The following WFDC1 variants were observed in gnomAD, a reference collection of about 807,000 sequenced individuals.
The protein encoded by WFDC1 is WAP four-disulfide core domain protein 1.
Under a neutral mutation model 32.9 loss-of-function variants are expected in WFDC1, and 39 were observed. That is an observed-to-expected ratio of 1.19 (90% confidence interval 0.92 to 1.55). The LOEUF (loss-of-function observed/expected upper bound fraction) is 1.55, where lower values mean the gene tolerates loss of function less well. Ranked by LOEUF, WFDC1 falls within the 40% of genes most tolerant of loss-of-function variation. WFDC1 has a pLI of 0.00. For synonymous variants in WFDC1, 184 were observed against 137.4 expected, an observed-to-expected ratio of 1.34 and a Z score of -2.37; for missense variants, 386 against 309.5, an observed-to-expected ratio of 1.25 and a Z score of -1.85.
chr16:84,309,603 T>C (rs1327446844), intron 1 of WFDC1, among the ~76,000 whole-genome samples: 1 of 152,014 alleles, frequency 6.6e-6, no homozygotes, highest in Non-Finnish European at 1.5e-5. Context: ...GGAGGGGTGG[T>C]TAAGCCAACA....
intron 6 of WFDC1, chr16:84,328,917 C>T (rs924581749): frequency 6.6e-6 from 1 of 151,288 alleles, no homozygotes; most frequent in African/African-American, 2.4e-5. Flanking sequence ...TGCACCATTG[C>T]ACTCCAGCCT....
At chr16:84,321,077 G>C (rs1177123316) in intron 4 of WFDC1, among the ~76,000 whole-genome samples, 1 of 152,198 alleles carries the variant, frequency 6.6e-6, no homozygotes, top group Non-Finnish European at 1.5e-5. Context: ...TATTTGCAGG[G>C]CTTTGTTTGG....
chr16:84,327,025 C>T, intron 6 of WFDC1, 70 bp downstream of exon 6: 3 of 1,521,082 alleles, frequency 2.0e-6, no homozygotes, highest in Non-Finnish European at 1.8e-6. Flanking sequence ...CAGCTTTCAC[C>T]ACCAGGTTGA....
intron 1 of WFDC1, among the ~76,000 whole-genome samples, chr16:84,308,583 C>T (rs1018237950): frequency 2.0e-5 from 3 of 152,252 alleles, no homozygotes; most frequent in African/African-American, 7.2e-5. Context: ...AGGACCAGCA[C>T]GTGCCAATGA....
chr16:84,324,984 C>G (rs903141992), intron 5 of WFDC1, among the ~76,000 whole-genome samples: 5 of 152,126 alleles, frequency 3.3e-5, no homozygotes, highest in Non-Finnish European at 5.9e-5. Flanking sequence ...TCTATTCATC[C>G]ATCTATTCAT....
chr16:84,312,152 C>A (rs909572106), intron 1 of WFDC1, among the ~76,000 whole-genome samples: 2 of 152,022 alleles, frequency 1.3e-5, no homozygotes, highest in Non-Finnish European at 2.9e-5. Context: ...GCAACAAGAG[C>A]GAAACTCCGT....
At chr16:84,324,802 A>G (rs1230198051) in intron 5 of WFDC1, among the ~76,000 whole-genome samples, 1 of 152,096 alleles carries the variant, frequency 6.6e-6, no homozygotes, top group African/African-American at 2.4e-5. Flanking sequence ...CTCTCCATCT[A>G]TTATTTCATC....
chr16:84,320,377 A>T (rs1908236345), intron 4 of WFDC1, among the ~76,000 whole-genome samples: 1 of 152,208 alleles, frequency 6.6e-6, no homozygotes. Context: ...TCTGTTTTCA[A>T]ACTGCATTGA....
In WFDC1 at chr16:84,308,704, G is replaced by GACGCC. The variant is rs1245726182; in HGVS notation, c.145-4256_145-4255insCGCCA. Among the ~76,000 whole-genome samples the GACGCC allele has an allele frequency of 1.5e-4, 23 of 152,228 alleles. 1 individual carries two copies. The highest frequency in any genetic ancestry group is 4.8e-4 in the African/African-American group (20 of 41,538). On this transcript the variant is annotated intron_variant, in intron 1 of 6. Coordinates refer to ENST00000219454, the MANE Select transcript of WFDC1 (RefSeq NM_021197.4). The stretch of plus-strand genomic sequence containing the variant: ...GGGTGTAGACGCCATCCTTGGTGTA[G>GACGCC]ATGCCATCCTGAGTGTAGATGCCAG...
chr16:84,308,487 G>A (rs1461258882), intron 1 of WFDC1, among the ~76,000 whole-genome samples: 1 of 152,232 alleles, frequency 6.6e-6, no homozygotes, highest in African/African-American at 2.4e-5. Context: ...GACGAGTCTG[G>A]GGAAAGCTGC....
At chr16:84,316,167 G>A (rs543574275) in intron 2 of WFDC1, 5 of 152,346 alleles carry the variant, frequency 3.3e-5, no homozygotes, top group African/African-American at 9.6e-5. Flanking sequence ...GCGTATAGAG[G>A]CTGAAGAACC....
intron 3 of WFDC1, chr16:84,318,928 GT>G: frequency 5.0e-6 from 1 of 201,394 alleles, no homozygotes; most frequent in South Asian, 9.6e-5. Flanking sequence ...GTGTGTGTGT[GT>G]GTGTGTGTGT....
At chr16:84,302,383 C>G (rs770672365) in intron 1 of WFDC1, among the ~76,000 whole-genome samples, 1 of 152,150 alleles carries the variant, frequency 6.6e-6, no homozygotes, top group Non-Finnish European at 1.5e-5. Context: ...TATTTTACCA[C>G]AATAATTTTT....
Position 84,319,454 on chromosome 16 carries a change from GAT to G in WFDC1, c.446_447del (p.Asp149GlyfsTer12). On this transcript the variant is annotated frameshift_variant, in exon 4 of 7. Transcript: ENST00000219454. LOFTEE classifies it high-confidence loss of function. ...AGCAGAGGCGTGCAGCACCACGGAG[GAT>G]GGGGCCGAACCCCTGCTCTGTCCCT... ...LQAEACSTTE[D>X]GAEPLLCPSG... The G allele has an allele frequency of 6.2e-7, 1 of 1,611,388 alleles. No individual in the cohort carries two copies. The highest frequency in any genetic ancestry group is 8.5e-7 in the Non-Finnish European group (1 of 1,179,914).
At chr16:84,310,563 C>G (rs1597675224) in intron 1 of WFDC1, among the ~76,000 whole-genome samples, 1 of 152,178 alleles carries the variant, frequency 6.6e-6, no homozygotes, top group Non-Finnish European at 1.5e-5. Flanking sequence ...AAATCTCTCT[C>G]AGCTTTACAC....
At chr16:84,309,699 C>T (rs1221613184) in intron 1 of WFDC1, among the ~76,000 whole-genome samples, 3 of 152,026 alleles carry the variant, frequency 2.0e-5, no homozygotes, top group Non-Finnish European at 2.9e-5. Flanking sequence ...GAGCCGCGCC[C>T]CCCCAACTCC....
chr16:84,298,743 G>A (rs1375179821), intron 1 of WFDC1, among the ~76,000 whole-genome samples: 1 of 152,192 alleles, frequency 6.6e-6, no homozygotes, highest in Non-Finnish European at 1.5e-5. Flanking sequence ...AGTGGGGCCG[G>A]TTAATGTCCT....
chr16:84,295,115 T>C lies in WFDC1; in HGVS notation c.144T>C (p.Arg48=). Residue 48 remains arginine, a splice_region_variant and synonymous_variant, in exon 1 of 7, where the codon CGT becomes CGC. Coordinates refer to ENST00000219454, the MANE Select transcript of WFDC1 (RefSeq NM_021197.4). ...ALPARLAEKS[R]AEEAGAPGGP... The stretch of plus-strand genomic sequence containing the variant: ...CTGCGAGGCTGGCCGAGAAATCCCG[T>C]GTAAGTGCCTGGGATGGGGAGGCTG... The C allele has an allele frequency of 1.9e-6, 3 of 1,613,574 alleles. No homozygotes were observed. Among genetic ancestry groups the C allele is most frequent in the Non-Finnish European group, 2.5e-6 (3 of 1,179,700 alleles).
chr16:84,312,900 CG>C, intron 1 of WFDC1, 60 bp from the exon 2 acceptor site: 1 of 1,065,496 alleles, frequency 9.4e-7, no homozygotes, highest in Non-Finnish European at 1.2e-6. Context: ...TTGCAAGCTC[CG>C]GGTGGCGCCG....
Sources: allele counts gnomAD v4.1 joint callset (sites outside exome capture counted in the v4.1 genomes callset), GRCh38; gene constraint gnomAD v4.1.1; transcripts MANE v1.5; gene names NCBI Gene and HGNC (gene_info 2026-07-23, HGNC 2026-07-21).